The following KATNIP variants were observed in gnomAD, a reference collection of about 807,000 sequenced individuals.
KATNIP encodes the protein katanin interacting protein.
In KATNIP, 126 loss-of-function variants were observed where a neutral mutation model predicts 174.0. That is an observed-to-expected ratio of 0.72 (90% confidence interval 0.63 to 0.84). The LOEUF (loss-of-function observed/expected upper bound fraction) is 0.84, where lower values mean the gene tolerates loss of function less well. Among genes scored for constraint, KATNIP ranks in the 40% least tolerant of loss-of-function variants. The pLI is 0.00. For synonymous variants in KATNIP, 810 were observed against 835.7 expected, an observed-to-expected ratio of 0.97 and a Z score of 0.53; for missense variants, 1,958 against 2,109.7, an observed-to-expected ratio of 0.93 and a Z score of 1.41.
intron 23 of KATNIP, among the ~76,000 whole-genome samples, chr16:27,774,152 C>A (rs1431892499): frequency 1.3e-5 from 2 of 152,198 alleles, no homozygotes; most frequent in African/African-American, 4.8e-5. Flanking sequence ...GCAAGTCGAA[C>A]CCCAAAGCCT....
chr16:27,632,305 G>A (rs1317168997), intron 5 of KATNIP, among the ~76,000 whole-genome samples: 1 of 152,184 alleles, frequency 6.6e-6, no homozygotes, highest in African/African-American at 2.4e-5. Context: ...ACAGCCTCAG[G>A]CCAGAAGCCA....
At chr16:27,712,172 G>A (rs2079603526) in intron 13 of KATNIP, among the ~76,000 whole-genome samples, 2 of 152,198 alleles carry the variant, frequency 1.3e-5, no homozygotes, top group Non-Finnish European at 2.9e-5. Flanking sequence ...CGGTTTTGGT[G>A]GATTTGAGGT....
intron 2 of KATNIP, among the ~76,000 whole-genome samples, chr16:27,602,103 C>A (rs185223580): frequency 6.6e-6 from 1 of 152,272 alleles, no homozygotes; most frequent in East Asian, 1.9e-4. Context: ...CAGCTTGTCT[C>A]TTCTCAATTA....
chr16:27,772,004 C>A (rs1192445835), intron 22 of KATNIP, among the ~76,000 whole-genome samples: 3 of 152,144 alleles, frequency 2.0e-5, no homozygotes, highest in African/African-American at 4.8e-5. Context: ...AATCCAGGCA[C>A]AATAGCTCAC....
At chr16:27,665,718 G>A (rs571829200) in intron 6 of KATNIP, among the ~76,000 whole-genome samples, 17 of 150,666 alleles carry the variant, frequency 1.1e-4, no homozygotes, top group African/African-American at 4.1e-4. Context: ...CTTCTGTCTC[G>A]GCCTCCCAAG....
Position 27,580,570 on chromosome 16 carries a change from G to A in KATNIP, c.63+6614G>A, listed in dbSNP as rs543625211. ...TTCATTTGCCCTCCCAGGAGGCAAC[G>A]ACTATAATCAATTTCTTATGTGTCC... On this transcript the variant is annotated intron_variant, in intron 2 of 27. Transcript: ENST00000261588. Among the ~76,000 whole-genome samples, 60 of 152,266 alleles carry A rather than the reference G, an allele frequency of 3.9e-4. No homozygotes were observed. The South Asian group carries it at 8.9e-3, about 23-fold the overall frequency.
At chr16:27,618,286 C>A in intron 2 of KATNIP, 139 bp from the exon 3 acceptor site, 1 of 634,964 alleles carries the variant, frequency 1.6e-6, no homozygotes, top group Admixed American at 2.5e-5. Context: ...GTCGCTGGAG[C>A]AATGCGCCTG....
chr16:27,564,024 A>G (rs1283187079), intron 1 of KATNIP, among the ~76,000 whole-genome samples: 1 of 150,568 alleles, frequency 6.6e-6, no homozygotes, highest in African/African-American at 2.4e-5. Flanking sequence ...GATCATGCCC[A>G]CTGCACTCCA....
intron 14 of KATNIP, among the ~76,000 whole-genome samples, chr16:27,724,782 A>G (rs896556958): frequency 2.0e-5 from 3 of 152,238 alleles, no homozygotes; most frequent in Non-Finnish European, 2.9e-5. Flanking sequence ...ATGAGAGTTT[A>G]TAGGAAATAT....
At chr16:27,628,499 G>C (rs2076393731) in intron 3 of KATNIP, 162 bp from the exon 4 acceptor site, 2 of 715,500 alleles carry the variant, frequency 2.8e-6, no homozygotes, top group Admixed American at 5.7e-5. Context: ...GTGGGTAATG[G>C]GCCTGTCAGA....
At chr16:27,712,771 T>C (rs1031827969) in intron 13 of KATNIP, among the ~76,000 whole-genome samples, 5 of 152,130 alleles carry the variant, frequency 3.3e-5, no homozygotes, top group Admixed American at 3.3e-4. Context: ...GCTTGACATC[T>C]CTTGGATCTC....
chr16:27,628,081 T>C (rs1024135969), intron 3 of KATNIP, among the ~76,000 whole-genome samples: 23 of 152,204 alleles, frequency 1.5e-4, no homozygotes, highest in Admixed American at 3.3e-4. Flanking sequence ...TTAACTGCAT[T>C]AGAATATGAC....
chr16:27,693,795 C>T (rs1194008458), intron 8 of KATNIP, among the ~76,000 whole-genome samples: 5 of 152,212 alleles, frequency 3.3e-5, no homozygotes, highest in Admixed American at 2.6e-4. Flanking sequence ...CTGGCCTGTA[C>T]TAGAACAGCC....
At chr16:27,617,852 A>C (rs2076085831) in intron 2 of KATNIP, among the ~76,000 whole-genome samples, 1 of 151,932 alleles carries the variant, frequency 6.6e-6, no homozygotes, top group Non-Finnish European at 1.5e-5. Context: ...CTCCCCCTTC[A>C]GCCCCCGCCA....
chr16:27,606,566 A>T (rs1377548875), intron 2 of KATNIP, among the ~76,000 whole-genome samples: 1 of 151,882 alleles, frequency 6.6e-6, no homozygotes, highest in Admixed American at 6.6e-5. Flanking sequence ...AAAGAAAGGG[A>T]TGTATTTGCT....
chr16:27,554,897 G>A (rs2089549829), intron 1 of KATNIP, among the ~76,000 whole-genome samples: 1 of 148,990 alleles, frequency 6.7e-6, no homozygotes, highest in African/African-American at 2.5e-5. Flanking sequence ...AGGTTCAAGC[G>A]ATTCTCTTGC....
At chr16:27,690,315 CAGATAGATAGATAGATAGATAGAT>C (rs3056270) in intron 8 of KATNIP, among the ~76,000 whole-genome samples, 1 of 128,658 alleles carries the variant, frequency 7.8e-6, no homozygotes, top group Non-Finnish European at 1.6e-5. Context: ...GACCCCATCT[CAGATAGATAGATAGATAGATAGAT>C]AGATAGATAG....
intron 2 of KATNIP, among the ~76,000 whole-genome samples, chr16:27,606,553 A>C (rs1312722404): frequency 6.6e-6 from 1 of 151,902 alleles, no homozygotes; most frequent in Non-Finnish European, 1.5e-5. Context: ...AACTGGCCCA[A>C]GGAAAGAAAG....
chr16:27,732,675 G>T (rs1312984902), intron 14 of KATNIP, among the ~76,000 whole-genome samples: 2 of 152,188 alleles, frequency 1.3e-5, no homozygotes, highest in African/African-American at 2.4e-5. Context: ...GTCCTAAAGT[G>T]TGTGTGGCAG....
Sources: allele counts gnomAD v4.1 joint callset (sites outside exome capture counted in the v4.1 genomes callset), GRCh38; gene constraint gnomAD v4.1.1; transcripts MANE v1.5; gene names NCBI Gene and HGNC (gene_info 2026-07-23, HGNC 2026-07-21).